The following UBA6 variants were observed in gnomAD, a reference collection of about 807,000 sequenced individuals.
UBA6 encodes ubiquitin-like modifier-activating enzyme 6.
Under a neutral mutation model 148.3 loss-of-function variants are expected in UBA6, and 87 were observed. The ratio of observed to expected loss-of-function variants is 0.59; its 90% CI spans 0.49 to 0.70. The LOEUF (loss-of-function observed/expected upper bound fraction) is 0.70, where lower values mean the gene tolerates loss of function less well. UBA6 is among the 30% of genes least tolerant of loss of function. The pLI is 0.00. For missense variants in UBA6, 1,186 were observed against 1,241.2 expected, an observed-to-expected ratio of 0.96 and a Z score of 0.67; for synonymous variants, 376 against 401.0, an observed-to-expected ratio of 0.94 and a Z score of 0.75.
intron 30 of UBA6, 74 bp from the exon 31 acceptor site, chr4:67,623,296 A>C: frequency 1.8e-6 from 2 of 1,116,028 alleles, no homozygotes; most frequent in Non-Finnish European, 2.7e-6. Flanking sequence ...ACACAAAAAA[A>C]ACCCACTTTC....
intron 13 of UBA6, among the ~76,000 whole-genome samples, chr4:67,659,902 T>C (rs977857690): frequency 7.2e-5 from 11 of 152,120 alleles, no homozygotes; most frequent in African/African-American, 2.7e-4. Context: ...GAGGAACCTG[T>C]TGGGACTAGA....
At chr4:67,687,014 C>A (rs911387819) in intron 2 of UBA6, among the ~76,000 whole-genome samples, 17 of 80,108 alleles carry the variant, frequency 2.1e-4, no homozygotes, top group East Asian at 1.2e-3. Flanking sequence ...ACCGTTTTTA[C>A]ATAAAATCTT....
chr4:67,682,439 A>G (rs1276317977), intron 2 of UBA6, among the ~76,000 whole-genome samples: 1 of 152,226 alleles, frequency 6.6e-6, no homozygotes, highest in African/African-American at 2.4e-5. Context: ...AAGGCAATAG[A>G]CAGATGGAGG....
At chr4:67,688,529 C>G (rs1730622945) in intron 2 of UBA6, among the ~76,000 whole-genome samples, 1 of 151,964 alleles carries the variant, frequency 6.6e-6, no homozygotes, top group Admixed American at 6.6e-5. Flanking sequence ...CAAAATAAAA[C>G]CCCTTTGAGA....
intron 4 of UBA6, among the ~76,000 whole-genome samples, chr4:67,681,177 C>T (rs1259461038): frequency 6.6e-6 from 1 of 152,114 alleles, no homozygotes; most frequent in East Asian, 1.9e-4. Flanking sequence ...GTATTAAGAG[C>T]TTGTTACATT....
At chr4:67,621,182 T>C (rs1728742447) in intron 32 of UBA6, among the ~76,000 whole-genome samples, 1 of 152,194 alleles carries the variant, frequency 6.6e-6, no homozygotes, top group South Asian at 2.1e-4. Context: ...ATCCAAAAGA[T>C]ACTGAGGGAT....
intron 14 of UBA6, among the ~76,000 whole-genome samples, chr4:67,647,335 G>GAACCCCCTA (rs1729442820): frequency 6.6e-6 from 1 of 151,930 alleles, no homozygotes; most frequent in African/African-American, 2.4e-5. Flanking sequence ...TAGTAGACAT[G>GAACCCCCTA]GGGTTTCACC....
intron 27 of UBA6, among the ~76,000 whole-genome samples, chr4:67,627,424 C>T (rs549770975): frequency 1.3e-5 from 2 of 151,928 alleles, no homozygotes; most frequent in South Asian, 4.1e-4. Flanking sequence ...AGTTAAATTG[C>T]TCAGGAGAAT....
In UBA6 at chr4:67,629,136, A is replaced by T; in HGVS notation, c.2335T>A (p.Ser779Thr). The T allele has an allele frequency of 6.2e-7, 1 of 1,606,196 alleles. No homozygotes were observed. Among genetic ancestry groups the T allele is most frequent in the Non-Finnish European group, 8.5e-7 (1 of 1,173,958 alleles). The change falls in exon 27 of 33, where the codon TCA becomes ACA. Residue 779 changes from serine (S) to threonine (T), a missense_variant. Physicochemically the swap from Ser to Thr is moderately conservative, Grantham distance 58. Coordinates refer to ENST00000322244, the MANE Select transcript of UBA6 (RefSeq NM_018227.6). ...YCIPFAEEDLSADALLNILSE... is the reference protein window; with the variant it reads ...YCIPFAEEDLTADALLNILSE... The stretch of plus-strand genomic sequence containing the variant: ...AGAATATTCAAGAGGGCATCTGCTG[A>T]TAAGTCCTGTTTTTAAAAAAGTAAT...
chr4:67,684,287 TTTC>T (rs1730508161), intron 2 of UBA6, among the ~76,000 whole-genome samples: 1 of 152,144 alleles, frequency 6.6e-6, no homozygotes, highest in South Asian at 2.1e-4. Context: ...TAAATCTAAT[TTTC>T]TTTTTTTTCT....
chr4:67,652,713 G>A lies in UBA6; in HGVS notation c.1105-3502C>T, dbSNP rs185542056. On this transcript the variant is annotated intron_variant, in intron 13 of 32. Transcript: ENST00000322244. ...AGCCCATGGAGGGCGAGCCGAAGCA[G>A]GGCGGTATGTCACCTCACCCAGGAA... Among the ~76,000 whole-genome samples, 21 of 152,350 alleles carry A rather than the reference G, an allele frequency of 1.4e-4. No homozygotes were observed. The East Asian group carries it at 3.9e-3, about 28-fold the overall frequency.
chr4:67,631,173 C>T (rs1728988919), intron 25 of UBA6, among the ~76,000 whole-genome samples: 1 of 151,868 alleles, frequency 6.6e-6, no homozygotes, highest in Non-Finnish European at 1.5e-5. Context: ...CCAGGCTGGG[C>T]CACATATGTG....
intron 17 of UBA6, 87 bp downstream of exon 17, chr4:67,644,611 A>G (rs770571736): frequency 2.8e-6 from 2 of 723,322 alleles, no homozygotes; most frequent in African/African-American, 3.6e-5. Context: ...CAAAAAACTG[A>G]TACTTCAGAT....
chr4:67,678,206 G>A (rs535552131), intron 5 of UBA6, among the ~76,000 whole-genome samples: 1 of 136,682 alleles, frequency 7.3e-6, no homozygotes, highest in Admixed American at 7.2e-5. Flanking sequence ...CACAGTAGTA[G>A]GAATTTATGG....
At chr4:67,676,079 A>G (rs1349947242) in intron 6 of UBA6, among the ~76,000 whole-genome samples, 1 of 136,290 alleles carries the variant, frequency 7.3e-6, no homozygotes, top group African/African-American at 2.8e-5. Flanking sequence ...GCTGGAGTGC[A>G]GTGGCTCAAT....
At chr4:67,653,013 A>G (rs1295512808) in intron 13 of UBA6, among the ~76,000 whole-genome samples, 1 of 152,190 alleles carries the variant, frequency 6.6e-6, no homozygotes, top group Non-Finnish European at 1.5e-5. Flanking sequence ...AGGTAAACAA[A>G]GCAGCTGGTA....
At chr4:67,658,042 C>T (rs1018674854) in intron 13 of UBA6, among the ~76,000 whole-genome samples, 18 of 152,170 alleles carry the variant, frequency 1.2e-4, no homozygotes, top group Admixed American at 8.5e-4. Context: ...AAGGAAACTA[C>T]AGATGCTGGA....
chr4:67,696,472 T>C (rs1050407058), intron 2 of UBA6, among the ~76,000 whole-genome samples, 173 bp downstream of exon 2: 1 of 150,922 alleles, frequency 6.6e-6, no homozygotes, highest in Non-Finnish European at 1.5e-5. Context: ...TATACATATA[T>C]ACACATATAT....
At chr4:67,691,760 T>G (rs1315094327) in intron 2 of UBA6, among the ~76,000 whole-genome samples, 1 of 151,830 alleles carries the variant, frequency 6.6e-6, no homozygotes, top group Non-Finnish European at 1.5e-5. Context: ...TTGCCTGACA[T>G]TTCAAGATAA....
Sources: gnomAD v4.1 joint callset for allele counts (sites outside exome capture counted in the v4.1 genomes callset) on GRCh38, gnomAD v4.1.1 for gene constraint, MANE v1.5 for transcripts, NCBI Gene and HGNC (gene_info 2026-07-23, HGNC 2026-07-21) for gene names.